ZNF717: variants seen among roughly 807,000 people sequenced by gnomAD.
The protein encoded by ZNF717 is krueppel-like factor X17.
A neutral mutation model predicts 13.8 loss-of-function variants in ZNF717; 9 were observed. The observed-to-expected ratio is 0.65, with a 90% confidence interval of 0.39 to 1.14. The LOEUF is 1.14. ZNF717 is among the 50% of genes most tolerant of loss of function. The pLI, the probability that ZNF717 is intolerant of heterozygous loss-of-function variation, is 0.01. For synonymous variants in ZNF717, 327 were observed against 364.1 expected, an observed-to-expected ratio of 0.90 and a Z score of 1.16; for missense variants, 1,040 against 1,080.7, an observed-to-expected ratio of 0.96 and a Z score of 0.53.
At position 75,736,892 on chromosome 3, in the gene ZNF717, A is replaced by G; in HGVS notation, c.2731T>C (p.Ser911Pro). The G allele has an allele frequency of 6.5e-7, 1 of 1,549,136 alleles. No homozygotes were observed. The highest frequency in any genetic ancestry group is 8.7e-7 in the Non-Finnish European group (1 of 1,146,042). ...AGGTTGTGTGTTCAAGGGAAAAAAG[A>G]GTGATTTTGAGGGAACACATAGCCT... ...EAGYVFPQNH[S>P]FFP The change falls in exon 5 of 5, where the codon TCT becomes CCT. Residue 911 changes from serine (S) to proline (P), a missense_variant. Transcript: ENST00000652011.
At chr3:75,772,162 C>A in intron 2 of ZNF717, among the ~76,000 whole-genome samples, 1 of 152,204 alleles carries the variant, frequency 6.6e-6, no homozygotes. Flanking sequence ...CTGCTGAGAG[C>A]TGAACAGACA....
intron 2 of ZNF717, among the ~76,000 whole-genome samples, chr3:75,742,647 G>C (rs1162734451): frequency 6.6e-6 from 1 of 152,204 alleles, no homozygotes; most frequent in Non-Finnish European, 1.5e-5. Context: ...ACCATGCCTA[G>C]ATGAATGATC....
intron 2 of ZNF717, among the ~76,000 whole-genome samples, chr3:75,756,923 G>A (rs1447682948): frequency 2.0e-5 from 3 of 152,236 alleles, no homozygotes; most frequent in African/African-American, 4.8e-5. Flanking sequence ...TGATCTGCCC[G>A]CCTCGGCCTC....
rs1379500147 is a variant in ZNF717 at position 75,736,242 on chromosome 3, T to C, written c.*636A>G. ...AGATACAACAATGAAATTAGGCCAC[T>C]TCACTCTGCAGTGGCCACCATGTGT... On this transcript the variant is annotated 3_prime_UTR_variant, in exon 5 of 5. Coordinates refer to ENST00000652011, the MANE Select transcript of ZNF717 (RefSeq NM_001290208.3). The C allele has an allele frequency of 6.6e-6, 1 of 152,344 alleles. No homozygotes were observed. Among genetic ancestry groups the C allele is most frequent in the African/African-American group, 2.4e-5 (1 of 41,464 alleles). 9.4% of individuals were successfully genotyped at this position (152,344 alleles called of 1,614,324 possible).
At chr3:75,775,870 A>C (rs201189425) in intron 2 of ZNF717, among the ~76,000 whole-genome samples, 6,170 of 59,554 alleles carry the variant, frequency 0.1, no homozygotes, top group Non-Finnish European at 0.16. Flanking sequence ...AAAAAAAAAA[A>C]TTCCCAAAAG....
At chr3:75,771,384 G>A (rs1010420818) in intron 2 of ZNF717, among the ~76,000 whole-genome samples, 13 of 152,228 alleles carry the variant, frequency 8.5e-5, no homozygotes, top group Middle Eastern at 6.8e-3. Context: ...GTGATTCTGG[G>A]GGCTGCCTGA....
downstream of ZNF717, among the ~76,000 whole-genome samples, chr3:75,725,075 T>G (rs113188152): frequency 9.5e-3 from 1,447 of 151,558 alleles, 28 homozygotes; most frequent in African/African-American, 0.034. Context: ...CTCGACTCAG[T>G]GAAACCCTCC....
chr3:75,745,669 T>C (rs1211772343), intron 2 of ZNF717, among the ~76,000 whole-genome samples: 1 of 152,070 alleles, frequency 6.6e-6, no homozygotes, highest in Non-Finnish European at 1.5e-5. Context: ...TTTGTAACTC[T>C]ATGAGATCAA....
chr3:75,738,289 T>C lies in ZNF717; in HGVS notation c.1334A>G (p.His445Arg). ...KSRLTVHQRT[H>R]TGEKPYECNE... ...ACATTCATACGGTTTTTCCCCTGTG[T>C]GTGTTCTCTGATGGACAGTAAGCCT... The change falls in exon 5 of 5, where the codon CAC (histidine) becomes CGC (arginine). Residue 445 changes from histidine to arginine, a missense_variant. His to Arg is a conservative substitution (Grantham distance 29, BLOSUM62 0). Around this residue, in one of 3 missense-constraint regions of ZNF717, gnomAD observed 873 missense variants for 832.8 expected, o/e 1.05. Coordinates refer to ENST00000652011, the MANE Select transcript of ZNF717 (RefSeq NM_001290208.3). 1 of 1,552,824 alleles carries C rather than the reference T, an allele frequency of 6.4e-7. No homozygotes were observed. Among genetic ancestry groups the C allele is most frequent in the Non-Finnish European group, 8.7e-7 (1 of 1,145,972 alleles).
chr3:75,761,608 A>T (rs973259269), intron 2 of ZNF717, among the ~76,000 whole-genome samples: 1 of 152,286 alleles, frequency 6.6e-6, no homozygotes, highest in African/African-American at 2.4e-5. Context: ...AGACAACAGG[A>T]TGTAATGTGT....
At chr3:75,734,924 C>A (rs1221315246), downstream of ZNF717, among the ~76,000 whole-genome samples, 1 of 148,852 alleles carries the variant, frequency 6.7e-6, no homozygotes, top group Non-Finnish European at 1.5e-5. Flanking sequence ...CTCCCTGGTT[C>A]AAGCAATTCT....
chr3:75,765,055 GTGTA>G (rs1943356726), intron 2 of ZNF717, among the ~76,000 whole-genome samples: 1 of 110,176 alleles, frequency 9.1e-6, no homozygotes, highest in African/African-American at 2.7e-5. Flanking sequence ...GTGTGTGTGT[GTGTA>G]TATGTACAAA....
At chr3:75,699,557 C>A (rs1457253916) in intron 6 of ZNF717, among the ~76,000 whole-genome samples, 1 of 152,190 alleles carries the variant, frequency 6.6e-6, no homozygotes, top group East Asian at 1.9e-4. Flanking sequence ...GCACCTCCCC[C>A]CTGCCCTCAC....
At chr3:75,723,831 G>A (rs1382047948) in intron 4 of ZNF717, among the ~76,000 whole-genome samples, 1 of 151,984 alleles carries the variant, frequency 6.6e-6, no homozygotes, top group African/African-American at 2.4e-5. Flanking sequence ...CCCTTTCCCC[G>A]GGGGAGTTAG....
chr3:75,727,109 C>A (rs796717837), downstream of ZNF717, among the ~76,000 whole-genome samples: 1 of 152,258 alleles, frequency 6.6e-6, no homozygotes, highest in Non-Finnish European at 1.5e-5. Flanking sequence ...AAAATTAATA[C>A]TTTTATAATT....
chr3:75,721,274 TTTTG>T (rs1938160235), intron 4 of ZNF717, among the ~76,000 whole-genome samples: 1 of 152,136 alleles, frequency 6.6e-6, no homozygotes, highest in African/African-American at 2.4e-5. Flanking sequence ...TAACTGATGT[TTTTG>T]TTTATTTATT....
chr3:75,716,137 A>ATTTTTTTT (rs142722374), intron 5 of ZNF717, among the ~76,000 whole-genome samples: 1 of 139,746 alleles, frequency 7.2e-6, no homozygotes, highest in South Asian at 2.3e-4. Flanking sequence ...TGCCTGGCTA[A>ATTTTTTTT]TTTTTTTTTT....
intron 6 of ZNF717, among the ~76,000 whole-genome samples, chr3:75,702,022 T>C (rs1292318666): frequency 6.6e-6 from 1 of 152,312 alleles, no homozygotes; most frequent in Non-Finnish European, 1.5e-5. Flanking sequence ...GGAACCCTTG[T>C]ACACTGTTGT....
chr3:75,720,292 A>C (rs1374571400), intron 4 of ZNF717, among the ~76,000 whole-genome samples: 3 of 152,238 alleles, frequency 2.0e-5, no homozygotes, highest in Admixed American at 6.5e-5. Context: ...ACACCATGGA[A>C]TACTATGCAG....
Sources: gnomAD v4.1 joint callset for allele counts (sites outside exome capture counted in the v4.1 genomes callset) on GRCh38, gnomAD v4.1.1 for gene constraint, gnomAD v4.1.1 regional missense constraint, MANE v1.5 for transcripts, NCBI Gene and HGNC (gene_info 2026-07-23, HGNC 2026-07-21) for gene names.